Variants in TNS1 observed in about 807,000 individuals in gnomAD.
TNS1 encodes the protein tensin-1.
Under a neutral mutation model 168.6 loss-of-function variants are expected in TNS1, and 62 were observed. The observed-to-expected ratio is 0.37, with a 90% CI of 0.30 to 0.45. The LOEUF (loss-of-function observed/expected upper bound fraction) is 0.45, where lower values mean the gene tolerates loss of function less well. Ranked by LOEUF, TNS1 falls within the 20% of genes least tolerant of loss-of-function variation. The probability of loss-of-function intolerance (pLI) is 1.00; values close to 1 mark genes in which losing one functional copy is unlikely to be tolerated. For synonymous variants in TNS1, 934 were observed against 933.2 expected (o/e 1.00, Z -0.02); for missense variants, 2,240 against 2,339.4 (o/e 0.96, Z 0.88).
intron 3 of TNS1, among the ~76,000 whole-genome samples, chr2:217,926,490 T>G (rs906654463): frequency 4.6e-5 from 7 of 152,146 alleles, no homozygotes; most frequent in African/African-American, 1.4e-4. Context: ...GCCCCAAAAG[T>G]TACATGGGAG....
At chr2:217,977,794 G>C (rs1330785947) in intron 3 of TNS1, among the ~76,000 whole-genome samples, 2 of 152,180 alleles carry the variant, frequency 1.3e-5, no homozygotes, top group Non-Finnish European at 2.9e-5. Context: ...CTCAATGAAT[G>C]CTCCTTCTGG....
At chr2:217,855,642 C>G (rs554172522) in intron 18 of TNS1, among the ~76,000 whole-genome samples, 2 of 152,274 alleles carry the variant, frequency 1.3e-5, no homozygotes, top group East Asian at 1.9e-4. Flanking sequence ...TGAATGATGC[C>G]TCTTGAAGTT....
intron 3 of TNS1, among the ~76,000 whole-genome samples, chr2:217,963,963 C>A (rs963093964): frequency 1.3e-5 from 2 of 151,480 alleles, no homozygotes; most frequent in South Asian, 2.1e-4. Context: ...GGCCCCAAAT[C>A]TTAAAACAAG....
At position 217,856,372 on chromosome 2, in the gene TNS1, A is replaced by AGGGACTTCCT. The variant is rs1216178276; in HGVS notation, c.1430-7295_1430-7286dup. Among the ~76,000 whole-genome samples the AGGGACTTCCT allele has an allele frequency of 8.3e-4, 127 of 152,138 alleles. 1 individual carries two copies. The highest frequency in any genetic ancestry group is 2.9e-3 in the African/African-American group (119 of 41,504). ...CCTGAAACATCCTGGCATTGGTGGC[A>AGGGACTTCCT]GGGACTTCCTGGGGCTCAGTCTGTG... On this transcript the variant is annotated intron_variant, in intron 18 of 32. Transcript: ENST00000682258.
rs533327665 is a variant in TNS1, at chr2:217,847,827, G to A, written c.2690C>T (p.Ser897Leu). Residue 897 changes from serine (S) to leucine (L), a missense_variant, in exon 19 of 33, where the codon TCG becomes TTG. Ser to Leu is a moderately radical substitution (Grantham distance 145). Transcript: ENST00000682258. ...SRSGYIPSGH[S>L]LGTPEPAPRA... ...TGGGGCTGGCTCAGGGGTTCCCAAC[G>A]AATGCCCACTGGGGATATAGCCAGA... is the stretch of plus-strand genomic sequence containing the variant. 205 of 1,595,894 alleles carry A rather than the reference G, an allele frequency of 1.3e-4. 3 individuals carry two copies. The South Asian group carries it at 1.6e-3, about 12-fold the overall frequency.
chr2:218,031,061 TGA>T (rs372600910), intron 1 of TNS1, among the ~76,000 whole-genome samples: 2,015 of 146,630 alleles, frequency 0.014, 56 homozygotes, highest in African/African-American at 0.052. Flanking sequence ...AGCATATGTG[TGA>T]GTGTATGTGT....
At chr2:217,842,029 C>A (rs983714057) in intron 19 of TNS1, 2 of 701,788 alleles carry the variant, frequency 2.8e-6, no homozygotes, top group East Asian at 2.7e-5. Context: ...CTGCCCTGGC[C>A]CCCAGAGTTC....
rs1366696213 is a variant in TNS1 at position 217,801,121 on chromosome 2, C to T, written c.*3338G>A. On this transcript the variant is annotated 3_prime_UTR_variant, in exon 33 of 33. Coordinates refer to ENST00000682258, the MANE Select transcript of TNS1 (RefSeq NM_001387777.1). Reference sequence around the variant, plus strand: ...GCTTTCAGAGCTACTGGAGGAGACGCTCAGATGACATGGGTCAAAGGCCTT... The same window carrying T: ...GCTTTCAGAGCTACTGGAGGAGACGTTCAGATGACATGGGTCAAAGGCCTT... The T allele has an allele frequency of 1.3e-5, 2 of 152,204 alleles. No homozygotes were observed. The highest frequency in any genetic ancestry group is 4.8e-5 in the African/African-American group (2 of 41,438). 9.4% of individuals were successfully genotyped at this position (152,204 alleles called of 1,614,324 possible).
In TNS1 at chr2:217,996,872, C is replaced by T. The variant is rs560997121; in HGVS notation, c.34-5816G>A. On this transcript the variant is annotated intron_variant, in intron 1 of 32. Coordinates refer to ENST00000682258, the MANE Select transcript of TNS1 (RefSeq NM_001387777.1). ...TGTCTTCCCAGATGTCCAGAATAAACCCTGCCCTCCCTGGAGCCAGCAGGA... is the reference window on the plus strand; with the variant it reads ...TGTCTTCCCAGATGTCCAGAATAAATCCTGCCCTCCCTGGAGCCAGCAGGA... 2.0e-4 allele frequency among the ~76,000 whole-genome samples: 30 copies of T among 152,234 alleles called. 1 individual carries two copies. In the South Asian group the frequency reaches 6.0e-3, roughly 31 times the overall value.
chr2:217,812,715 A>G (rs1941180969), intron 27 of TNS1, among the ~76,000 whole-genome samples: 1 of 152,186 alleles, frequency 6.6e-6, no homozygotes, highest in Non-Finnish European at 1.5e-5. Context: ...CACCCCAGTT[A>G]CTGGGGCTCC....
Position 217,848,885 on chromosome 2 carries a change from G to T in TNS1, c.1632C>A (p.Asp544Glu), listed in dbSNP as rs147048389. ...STASTKTDKTDEPVPGASSAT... is the reference protein window; with the variant it reads ...STASTKTDKTEEPVPGASSAT... ...CACTGGAGGCCCCGGGGACAGGCTC[G>T]TCGGTCTTGTCGGTCTTGGTGGAGG... Residue 544 changes from aspartate to glutamate, a missense_variant, in exon 19 of 33, where the codon GAC becomes GAA. Transcript: ENST00000682258. 129 of 1,613,994 alleles carry T rather than the reference G, an allele frequency of 8.0e-5. No homozygotes were observed. The highest frequency in any genetic ancestry group is 1.6e-4 in the Middle Eastern group (1 of 6,082).
intron 1 of TNS1, among the ~76,000 whole-genome samples, chr2:218,008,596 A>G (rs1426826290): frequency 6.6e-6 from 1 of 152,234 alleles, no homozygotes; most frequent in Non-Finnish European, 1.5e-5. Flanking sequence ...CCTGAGGACA[A>G]TGCATTTTGC....
chr2:218,032,025 G>A lies in TNS1; in HGVS notation c.156+1795C>T, dbSNP rs1310539075. Among the ~76,000 whole-genome samples the A allele has an allele frequency of 6.6e-6, 1 of 152,242 alleles. No individual in the cohort carries two copies. The highest frequency in any genetic ancestry group is 1.5e-5 in the Non-Finnish European group (1 of 68,038). Reference sequence around the variant, plus strand: ...CCCGGAGATGCCCGCCAGGCCCCTTGGCACCCAGAAGGCTTGGCTGGAGGA... The same window carrying A: ...CCCGGAGATGCCCGCCAGGCCCCTTAGCACCCAGAAGGCTTGGCTGGAGGA... On this transcript the variant is annotated intron_variant, in intron 1 of 1. Transcript: ENST00000649572. This position sits in a 1 kb window ranked among gnomAD's most constrained non-coding sequence, Gnocchi z 4.0.
At chr2:217,869,738 A>C (rs1949610183) in intron 18 of TNS1, among the ~76,000 whole-genome samples, 1 of 152,224 alleles carries the variant, frequency 6.6e-6, no homozygotes, top group Non-Finnish European at 1.5e-5. Flanking sequence ...AAGCAAAACA[A>C]AGGAGAAAAG....
rs1938023400 is a variant in TNS1 at position 217,804,460 on chromosome 2, C to T, written c.5519G>A (p.Ter1840=). The part of the protein sequence containing the change: ...KVMLNAGQKR[*] ...CTGGCCCTGGGCAAGGGGCAGGGTT[C>T]ATCTCTTTTGGCCGGCATTCAGCAT... Residue 1840 remains the stop codon, a stop_retained_variant, in exon 33 of 33, where the codon TGA becomes TAA. Transcript: ENST00000682258. 2 of 1,613,978 alleles carry T rather than the reference C, an allele frequency of 1.2e-6. No homozygotes were observed. The highest frequency in any genetic ancestry group is 2.2e-5 in the South Asian group (2 of 91,078).
In TNS1 at chr2:217,880,892, A is replaced by G. The variant is rs1182409241; in HGVS notation, c.1429+6T>C. ...TAGGGGCTGGGAGCCACTAGGTCCC[A>G]CCTACCCTCCATGCCGTCATCTCGA... On this transcript the variant is annotated splice_donor_region_variant and intron_variant, in intron 18 of 32. Coordinates refer to ENST00000682258, the MANE Select transcript of TNS1 (RefSeq NM_001387777.1). This position sits in a 1 kb window ranked among gnomAD's most constrained non-coding sequence, Gnocchi z 4.2. 6.2e-7 allele frequency: 1 copy of G among 1,610,600 alleles called. No individual in the cohort carries two copies. Among genetic ancestry groups the G allele is most frequent in the Non-Finnish European group, 8.5e-7 (1 of 1,177,088 alleles).
chr2:217,913,891 G>A (rs890500926), intron 4 of TNS1, among the ~76,000 whole-genome samples: 1 of 152,046 alleles, frequency 6.6e-6, no homozygotes, highest in Non-Finnish European at 1.5e-5. Context: ...CCCCAGGCAG[G>A]GTCACCAAGG....
chr2:217,836,695 A>T (rs1288602428), intron 19 of TNS1, among the ~76,000 whole-genome samples: 1 of 152,158 alleles, frequency 6.6e-6, no homozygotes, highest in Non-Finnish European at 1.5e-5. Flanking sequence ...AGACATGACT[A>T]AGCCTTGTTA....
At chr2:217,934,652 G>C (rs1379799733) in intron 3 of TNS1, among the ~76,000 whole-genome samples, 1 of 152,216 alleles carries the variant, frequency 6.6e-6, no homozygotes, top group Non-Finnish European at 1.5e-5. Context: ...ACAGAGACGG[G>C]AGATTCTGGC....
Sources: allele counts gnomAD v4.1 joint callset (sites outside exome capture counted in the v4.1 genomes callset), GRCh38; gene constraint gnomAD v4.1.1; non-coding constraint Gnocchi (gnomAD v3.1); transcripts MANE v1.5; gene names NCBI Gene and HGNC (gene_info 2026-07-23, HGNC 2026-07-21).